ELAPOR2: variants seen among roughly 807,000 people sequenced by gnomAD.
ELAPOR2 encodes endosome/lysosome-associated apoptosis and autophagy regulator family member 2.
ELAPOR2 carries 89 observed loss-of-function variants against 120.7 expected under a neutral mutation model. That is an observed-to-expected ratio of 0.74 (90% CI 0.62 to 0.88). The LOEUF (loss-of-function observed/expected upper bound fraction) is 0.88, where lower values mean the gene tolerates loss of function less well. Ranked by LOEUF, ELAPOR2 falls within the 40% of genes least tolerant of loss-of-function variation. ELAPOR2 has a pLI of 0.00. For missense variants in ELAPOR2, 1,134 were observed against 1,251.6 expected (o/e 0.91, Z 1.42); for synonymous variants, 444 against 444.9 (o/e 1.00, Z 0.03).
intron 18 of ELAPOR2, among the ~76,000 whole-genome samples, chr7:86,900,272 T>A (rs1285876022): frequency 6.6e-6 from 1 of 152,106 alleles, no homozygotes; most frequent in Non-Finnish European, 1.5e-5. Context: ...CAAAAACTTC[T>A]AAAGAAAAGA....
rs866066575 is a variant in ELAPOR2, at chr7:86,986,286, G to A, written c.190-21262C>T. On this transcript the variant is annotated intron_variant, in intron 1 of 21. Transcript: ENST00000450689. ...CTACTAAAAATACAAAAAATTAGCC[G>A]GGCGTAGTGGCGGGCGCCTGTAGTC... Among the ~76,000 whole-genome samples the A allele has an allele frequency of 7.1e-4, 83 of 117,398 alleles. 21 individuals are homozygous for A. The highest frequency in any genetic ancestry group is 3.6e-3 in the South Asian group (15 of 4,126). 77.0% of individuals were successfully genotyped at this position (117,398 alleles called of 152,430 possible).
chr7:87,045,774 A>T (rs1294099478), intron 1 of ELAPOR2, among the ~76,000 whole-genome samples: 1 of 151,384 alleles, frequency 6.6e-6, no homozygotes, highest in Non-Finnish European at 1.5e-5. Flanking sequence ...ATAAATAAAT[A>T]AAAAATATAT....
intron 1 of ELAPOR2, among the ~76,000 whole-genome samples, chr7:86,987,056 T>G (rs1317132079): frequency 1.3e-5 from 2 of 151,534 alleles, no homozygotes; most frequent in African/African-American, 4.9e-5. Flanking sequence ...TCTACAACCA[T>G]CTGACCTTTG....
intron 12 of ELAPOR2, among the ~76,000 whole-genome samples, chr7:86,916,083 A>C (rs970686606): frequency 1.3e-5 from 2 of 152,180 alleles, no homozygotes; most frequent in East Asian, 3.9e-4. Context: ...AGATCATCAC[A>C]CAAAGAGGAA....
At chr7:86,946,755 G>A (rs1055418617) in intron 3 of ELAPOR2, among the ~76,000 whole-genome samples, 5 of 152,062 alleles carry the variant, frequency 3.3e-5, no homozygotes, top group Non-Finnish European at 5.9e-5. Context: ...CCGCTTACTC[G>A]ATTTCTTTTA....
intron 1 of ELAPOR2, among the ~76,000 whole-genome samples, chr7:86,986,888 G>A (rs1792760724): frequency 6.7e-6 from 1 of 149,974 alleles, no homozygotes; most frequent in Admixed American, 6.6e-5. Flanking sequence ...CCACATTGCA[G>A]TCAATCCTAA....
intron 1 of ELAPOR2, among the ~76,000 whole-genome samples, chr7:87,026,380 T>C (rs1264457090): frequency 1.3e-5 from 2 of 152,016 alleles, no homozygotes; most frequent in African/African-American, 4.8e-5. Context: ...AGTCTCTTGT[T>C]GAATCACTTT....
chr7:87,056,069 A>AT (rs372682554), intron 1 of ELAPOR2, among the ~76,000 whole-genome samples: 4 of 151,960 alleles, frequency 2.6e-5, no homozygotes, highest in South Asian at 2.1e-4. Flanking sequence ...TGGCCTTTAT[A>AT]TTTTTTTGCT....
chr7:87,045,509 C>T (rs866377520), intron 1 of ELAPOR2, among the ~76,000 whole-genome samples: 327 of 145,550 alleles, frequency 2.2e-3, no homozygotes, highest in African/African-American at 8.2e-3. Context: ...ATCGCAAGAA[C>T]AAAAAACCAA....
rs202204265 is a variant in ELAPOR2, at chr7:86,897,599, C to G, written c.2592G>C (p.Thr864=). The change falls in exon 19 of 22, where the codon ACG becomes ACC. Residue 864 remains threonine, a synonymous_variant. Transcript: ENST00000450689. ...KCPAGTCDGC[T]FYFLWESAEA... is the part of the protein sequence containing the mutation. ...CAGCACTCTCCCACAGGAAATAGAA[C>G]GTACACCCATCACAGGTACCTGCTG... is the stretch of plus-strand genomic sequence containing the variant. The G allele has an allele frequency of 6.2e-7, 1 of 1,613,256 alleles. No homozygotes were observed. Among genetic ancestry groups the G allele is most frequent in the Admixed American group, 1.7e-5 (1 of 59,928 alleles).
intron 2 of ELAPOR2, among the ~76,000 whole-genome samples, chr7:86,963,391 A>G (rs777163486): frequency 3.9e-5 from 6 of 152,210 alleles, no homozygotes; most frequent in Non-Finnish European, 5.9e-5. Flanking sequence ...TGCTATGCTG[A>G]TAAGTATTTA....
chr7:87,028,230 T>TA (rs1794308539), intron 1 of ELAPOR2, among the ~76,000 whole-genome samples: 1 of 152,146 alleles, frequency 6.6e-6, no homozygotes, highest in Non-Finnish European at 1.5e-5. Context: ...ATCAGGTTTT[T>TA]ACCTCTCTCC....
In ELAPOR2 at chr7:86,938,192, T is replaced by A. The variant is rs368229986; in HGVS notation, c.1023A>T (p.Thr341=). ...QFSEEGSSEC[T]ERPPCTTKDY... ...CTTTTGTGGTACAGGGAGGGCGCTC[T>A]GTACACTCACTGGATCCTTCCTCTG... The change falls in exon 8 of 22, where the codon ACA becomes ACT. Residue 341 remains threonine, a synonymous_variant. Coordinates refer to ENST00000450689, the MANE Select transcript of ELAPOR2 (RefSeq NM_001142749.3). 1.9e-6 allele frequency: 3 copies of A among 1,551,254 alleles called. No individual in the cohort carries two copies. In the South Asian group the frequency reaches 3.6e-5, roughly 18 times the overall value.
chr7:86,916,955 A>ATTTTTT (rs58682563), intron 12 of ELAPOR2, among the ~76,000 whole-genome samples: 1 of 86,698 alleles, frequency 1.2e-5, no homozygotes, highest in African/African-American at 5.7e-5. Context: ...TGGCCAGCTA[A>ATTTTTT]TTTTTTTTTT....
chr7:86,929,123 T>C (rs1424248728), intron 8 of ELAPOR2, among the ~76,000 whole-genome samples: 2 of 151,864 alleles, frequency 1.3e-5, no homozygotes, highest in East Asian at 1.9e-4. Flanking sequence ...TCTGCATTCA[T>C]ATACAGCATG....
Position 86,960,958 on chromosome 7 carries a change from T to C in ELAPOR2, c.310+3946A>G, listed in dbSNP as rs1170587909. Among the ~76,000 whole-genome samples, 6 of 152,298 alleles carry C rather than the reference T, an allele frequency of 3.9e-5. No individual in the cohort carries two copies. The East Asian group carries it at 1.2e-3, about 29-fold the overall frequency. On this transcript the variant is annotated intron_variant, in intron 2 of 21. Coordinates refer to ENST00000450689, the MANE Select transcript of ELAPOR2 (RefSeq NM_001142749.3). ...AAAACAACTAAATATTAGAAGTTTA[T>C]AACCAATTATTCAAATTCTAGACTA... is the stretch of plus-strand genomic sequence containing the variant.
chr7:86,910,680 T>C (rs1789259161), intron 15 of ELAPOR2, among the ~76,000 whole-genome samples: 2 of 152,142 alleles, frequency 1.3e-5, no homozygotes, highest in African/African-American at 4.8e-5. Flanking sequence ...ATTGTTTAAA[T>C]ATAATATGTT....
At chr7:87,040,574 TAACA>T (rs1352009248) in intron 1 of ELAPOR2, among the ~76,000 whole-genome samples, 119 of 151,996 alleles carry the variant, frequency 7.8e-4, no homozygotes, top group African/African-American at 2.6e-3. Context: ...GAAGGAAAAC[TAACA>T]AACAGAAAGG....
chr7:87,018,140 A>G (rs1793928001), intron 1 of ELAPOR2, among the ~76,000 whole-genome samples: 1 of 152,114 alleles, frequency 6.6e-6, no homozygotes, highest in South Asian at 2.1e-4. Flanking sequence ...TCCCAGGTTT[A>G]AACGATTCTC....
Sources: gnomAD v4.1 joint callset for allele counts (sites outside exome capture counted in the v4.1 genomes callset) on GRCh38, gnomAD v4.1.1 for gene constraint, MANE v1.5 for transcripts, NCBI Gene and HGNC (gene_info 2026-07-23, HGNC 2026-07-21) for gene names.